L3MBTL4: variants seen among roughly 807,000 people sequenced by gnomAD.
L3MBTL4 encodes the protein L3MBTL histone methyl-lysine binding protein 4.
Under a neutral mutation model 84.5 loss-of-function variants are expected in L3MBTL4, and 70 were observed. That is an observed-to-expected ratio of 0.83 (90% CI 0.68 to 1.01). The LOEUF (loss-of-function observed/expected upper bound fraction) is 1.01, where lower values mean the gene tolerates loss of function less well. Among genes scored for constraint, L3MBTL4 ranks in the 50% least tolerant of loss-of-function variants. The pLI is 0.00. For synonymous variants in L3MBTL4, 274 were observed against 259.8 expected, an observed-to-expected ratio of 1.05 and a Z score of -0.52; for missense variants, 715 against 754.8, an observed-to-expected ratio of 0.95 and a Z score of 0.62.
Position 6,287,847 on chromosome 18 carries a change from A to C in L3MBTL4, c.127+14056T>G, listed in dbSNP as rs59881781. ...AAGATTACCTATTTAAATAAATCTT[A>C]CCCTGAGCAACATAATGAGACCCTG... On this transcript the variant is annotated intron_variant, in intron 4 of 18. Coordinates refer to ENST00000317931, the MANE Select transcript of L3MBTL4 (RefSeq NM_001330559.2). Among the ~76,000 whole-genome samples the C allele has an allele frequency of 3.7e-3, 556 of 152,282 alleles. 1 individual carries two copies. The highest frequency in any genetic ancestry group is 0.013 in the African/African-American group (531 of 41,554).
chr18:6,321,930 A>G (rs1692098194), intron 1 of L3MBTL4, among the ~76,000 whole-genome samples: 1 of 152,214 alleles, frequency 6.6e-6, no homozygotes, highest in African/African-American at 2.4e-5. Flanking sequence ...GGAGAAAAAA[A>G]AACTACATAT....
At chr18:6,055,802 AGACCCCCAGGGAAGGATCC>A (rs1380215016) in intron 16 of L3MBTL4, among the ~76,000 whole-genome samples, 1 of 152,188 alleles carries the variant, frequency 6.6e-6, no homozygotes, top group Non-Finnish European at 1.5e-5. Context: ...CCAGATTCTC[AGACCCCCAGGGAAGGATCC>A]TTCCACTATT....
At chr18:6,036,829 G>A (rs2056162522) in intron 16 of L3MBTL4, among the ~76,000 whole-genome samples, 1 of 152,108 alleles carries the variant, frequency 6.6e-6, no homozygotes, top group Admixed American at 6.6e-5. Context: ...ATTAGCCTGA[G>A]GTATAAACAT....
At chr18:6,408,436 C>A (rs2055825708) in intron 1 of L3MBTL4, among the ~76,000 whole-genome samples, 1 of 152,214 alleles carries the variant, frequency 6.6e-6, no homozygotes, top group African/African-American at 2.4e-5. Context: ...TTCTGTTTCT[C>A]TTAGCAGTAT....
chr18:5,981,024 C>T (rs1000134199), intron 16 of L3MBTL4, among the ~76,000 whole-genome samples: 51 of 152,164 alleles, frequency 3.4e-4, no homozygotes, highest in African/African-American at 1.2e-3. Context: ...TTTCCCTCTG[C>T]TTAGCTTTCT....
At chr18:6,051,247 T>C (rs8088109) in intron 16 of L3MBTL4, among the ~76,000 whole-genome samples, 19,714 of 152,184 alleles carry the variant, frequency 0.13, 1,985 homozygotes, top group African/African-American at 0.27. Context: ...CATTCAAGAA[T>C]AAGGCAGCAG....
At chr18:6,209,764 A>C (rs1322897873) in intron 12 of L3MBTL4, among the ~76,000 whole-genome samples, 2 of 152,262 alleles carry the variant, frequency 1.3e-5, no homozygotes, top group Non-Finnish European at 2.9e-5. Context: ...TGATAAGGAG[A>C]TAAATAAAAT....
intron 12 of L3MBTL4, among the ~76,000 whole-genome samples, chr18:6,174,422 C>A (rs977310186): frequency 4.6e-5 from 7 of 152,062 alleles, no homozygotes; most frequent in African/African-American, 1.7e-4. Flanking sequence ...AAGAGAAGCA[C>A]ATAGAAATTC....
intron 12 of L3MBTL4, among the ~76,000 whole-genome samples, chr18:6,186,457 G>A (rs561314821): frequency 2.6e-5 from 4 of 152,178 alleles, no homozygotes; most frequent in South Asian, 2.1e-4. Flanking sequence ...AGGCCCTGCC[G>A]AGAGACTGAA....
chr18:6,179,079 T>C (rs17408386), intron 12 of L3MBTL4, among the ~76,000 whole-genome samples: 101 of 152,336 alleles, frequency 6.6e-4, no homozygotes, highest in Non-Finnish European at 1.2e-3. Context: ...CCTAGGAACA[T>C]TGGGGCTAAA....
rs186400370 is a variant in L3MBTL4 at position 6,196,251 on chromosome 18, G to A, written c.981+16898C>T. ...CAGCTCACTGCAAGCTCCACCTCCC[G>A]GGTTCACGCCATTCTCCTGCCTCAG... On this transcript the variant is annotated intron_variant, in intron 12 of 18. Coordinates refer to ENST00000317931, the MANE Select transcript of L3MBTL4 (RefSeq NM_001330559.2). Among the ~76,000 whole-genome samples the A allele has an allele frequency of 1.1e-3, 162 of 146,584 alleles. 2 individuals carry two copies. The highest frequency in any genetic ancestry group is 9.7e-3 in the Admixed American group (142 of 14,640).
chr18:6,183,732 G>A (rs2044591429), intron 12 of L3MBTL4, among the ~76,000 whole-genome samples: 1 of 152,218 alleles, frequency 6.6e-6, no homozygotes, highest in East Asian at 1.9e-4. Flanking sequence ...ATTTTTGAGA[G>A]TAAAAGGGAA....
intron 14 of L3MBTL4, among the ~76,000 whole-genome samples, chr18:6,094,794 G>A (rs923177210): frequency 6.6e-6 from 1 of 151,998 alleles, no homozygotes; most frequent in Non-Finnish European, 1.5e-5. Context: ...AACCCCAAAA[G>A]GACTTTAGTA....
chr18:6,085,295 A>G (rs567527713), intron 15 of L3MBTL4, among the ~76,000 whole-genome samples: 38 of 152,236 alleles, frequency 2.5e-4, no homozygotes, highest in Non-Finnish European at 4.8e-4. Context: ...AATACAATGC[A>G]GTTGTTAAAA....
intron 16 of L3MBTL4, among the ~76,000 whole-genome samples, chr18:6,051,118 AC>A (rs1035678961): frequency 6.6e-6 from 1 of 152,196 alleles, no homozygotes; most frequent in African/African-American, 2.4e-5. Flanking sequence ...ATGCTAGTCA[AC>A]AGAACACAGA....
At chr18:6,066,236 G>A (rs753658295) in intron 16 of L3MBTL4, among the ~76,000 whole-genome samples, 1 of 151,952 alleles carries the variant, frequency 6.6e-6, no homozygotes, top group African/African-American at 2.4e-5. Flanking sequence ...TTATGATTTC[G>A]ATTTTTAAAA....
intron 13 of L3MBTL4, among the ~76,000 whole-genome samples, chr18:6,148,321 T>C (rs1446950506): frequency 2.0e-5 from 3 of 152,250 alleles, no homozygotes. Flanking sequence ...ATTGTTTTAT[T>C]ACTCAGTTTT....
chr18:6,070,051 A>C (rs895464363), intron 16 of L3MBTL4, among the ~76,000 whole-genome samples: 2 of 152,208 alleles, frequency 1.3e-5, no homozygotes, highest in African/African-American at 4.8e-5. Context: ...AATAATGAAA[A>C]GAGCTCTTAA....
intron 10 of L3MBTL4, among the ~76,000 whole-genome samples, chr18:6,227,078 ATTCTT>A (rs2046812606): frequency 6.6e-6 from 1 of 152,192 alleles, no homozygotes; most frequent in Non-Finnish European, 1.5e-5. Context: ...AAAGGGGACA[ATTCTT>A]TAAGAGAACA....
Sources: allele counts gnomAD v4.1 joint callset (sites outside exome capture counted in the v4.1 genomes callset), GRCh38; gene constraint gnomAD v4.1.1; transcripts MANE v1.5; gene names NCBI Gene and HGNC (gene_info 2026-07-23, HGNC 2026-07-21).